The following ZSCAN18 variants were observed in gnomAD, a reference collection of about 807,000 sequenced individuals.
ZSCAN18 encodes the protein zinc finger and SCAN domain containing 18, also known as zinc finger and SCAN domain-containing protein 18.
In ZSCAN18, 16 loss-of-function variants were observed where a neutral mutation model predicts 31.1. The ratio of observed to expected loss-of-function variants is 0.51; its 90% CI spans 0.35 to 0.78. The LOEUF is 0.78. ZSCAN18 is among the 30% of genes least tolerant of loss of function. ZSCAN18 has a pLI of 0.01. For missense variants in ZSCAN18, 731 were observed against 697.4 expected (o/e 1.05, Z -0.54); for synonymous variants, 375 against 320.7 (o/e 1.17, Z -1.81).
At chr19:58,096,076 A>C (rs1208997785) in intron 1 of ZSCAN18, among the ~76,000 whole-genome samples, 1 of 152,004 alleles carries the variant, frequency 6.6e-6, no homozygotes, top group African/African-American at 2.4e-5. Context: ...ACTCTCAGAG[A>C]TCTCACCGGG....
chr19:58,107,636 A>G (rs2074645315), intron 1 of ZSCAN18: 2 of 984,890 alleles, frequency 2.0e-6, no homozygotes, highest in South Asian at 4.7e-5. Flanking sequence ...TCTTCCATTT[A>G]TAGATGGAAA....
exon 1 of ZSCAN18, chr19:58,118,393 G>C: frequency 6.6e-7 from 1 of 1,522,310 alleles, no homozygotes; most frequent in Non-Finnish European, 8.8e-7. Context: ...CCGACTCTCC[G>C]CATGGGCGCG....
intron 1 of ZSCAN18, among the ~76,000 whole-genome samples, chr19:58,115,992 T>C (rs1293716276): frequency 6.6e-6 from 1 of 151,810 alleles, no homozygotes; most frequent in East Asian, 1.9e-4. Context: ...AAAAAAACTG[T>C]GGCATTTTCA....
chr19:58,084,964 GC>G lies in ZSCAN18; in HGVS notation c.1253del (p.Cys418SerfsTer11). 1 of 1,598,174 alleles carries G rather than the reference GC, an allele frequency of 6.3e-7. No individual in the cohort carries two copies. Among genetic ancestry groups the G allele is most frequent in the Non-Finnish European group, 8.5e-7 (1 of 1,174,438 alleles). ...SRGKPYACGE[C>X]GEAFAWLSHL... ...GCGAGAGCCACGCGAAGGCCTCCCC[GC>G]ACTCGCCGCAGGCATAGGGCTTCCC... On this transcript the variant is annotated frameshift_variant, in exon 7 of 7. Transcript: ENST00000601144. LOFTEE classifies it low-confidence loss of function (END_TRUNC). This position sits in a 1 kb window ranked among gnomAD's most constrained non-coding sequence, Gnocchi z 4.5.
chr19:58,088,579 T>C (rs1233223280), intron 3 of ZSCAN18, 109 bp downstream of exon 3: 1 of 1,118,260 alleles, frequency 8.9e-7, no homozygotes, highest in Non-Finnish European at 1.3e-6. Context: ...GCATGGACCA[T>C]GGAGCCCCTG....
In ZSCAN18 at chr19:58,084,544, A is replaced by C. The variant is rs959556167; in HGVS notation, c.*141T>G. 2.4e-6 allele frequency: 2 copies of C among 819,730 alleles called. No individual in the cohort carries two copies. The highest frequency in any genetic ancestry group is 7.2e-5 in the Admixed American group (2 of 27,788). The allele number at this position is 819,730 out of a possible 1,614,324, so 50.8% of individuals were successfully genotyped here. A position where few individuals can be genotyped will look rare whatever the true frequency, so the allele number is the denominator to read the frequency against. On this transcript the variant is annotated 3_prime_UTR_variant, in exon 7 of 7. Transcript: ENST00000601144. This position sits in a 1 kb window ranked among gnomAD's most constrained non-coding sequence, Gnocchi z 4.5. ...CTTCTCGTTGGGAGCGCTTAGCCTC[A>C]GGAGCGGATTCAGGGCACAGGCAGA...
chr19:58,107,986 G>A, intron 1 of ZSCAN18: 1 of 1,044,042 alleles, frequency 9.6e-7, no homozygotes, highest in Non-Finnish European at 1.2e-6. Context: ...TTCCTGAAAA[G>A]TTTGACACTG....
intron 1 of ZSCAN18, among the ~76,000 whole-genome samples, chr19:58,105,568 G>C (rs2074628423): frequency 1.3e-5 from 2 of 152,056 alleles, no homozygotes; most frequent in African/African-American, 2.4e-5. Flanking sequence ...GGCTGAGGCA[G>C]GAGAATGGCA....
At chr19:58,115,747 T>C (rs546673457) in intron 1 of ZSCAN18, among the ~76,000 whole-genome samples, 2 of 152,328 alleles carry the variant, frequency 1.3e-5, no homozygotes, top group East Asian at 1.9e-4. Flanking sequence ...TCAAAAGTAG[T>C]ATCAGAGGAT....
intron 1 of ZSCAN18, chr19:58,108,200 C>A (rs1215331934): frequency 1.0e-6 from 1 of 985,750 alleles, no homozygotes; most frequent in Non-Finnish European, 1.2e-6. Context: ...TGTGAATTCT[C>A]CCATGTTTAA....
chr19:58,111,921 T>G (rs1198238622), intron 1 of ZSCAN18, among the ~76,000 whole-genome samples: 2 of 152,260 alleles, frequency 1.3e-5, no homozygotes, highest in African/African-American at 4.8e-5. Context: ...TTAGTTAATG[T>G]AAGACATCAC....
At chr19:58,105,024 T>C (rs1047234677) in intron 1 of ZSCAN18, among the ~76,000 whole-genome samples, 4 of 152,250 alleles carry the variant, frequency 2.6e-5, no homozygotes, top group African/African-American at 9.6e-5. Context: ...TGTTAAGGGC[T>C]AATGCAACTG....
chr19:58,114,096 C>CT (rs1480692431), intron 1 of ZSCAN18, among the ~76,000 whole-genome samples: 1 of 152,002 alleles, frequency 6.6e-6, no homozygotes, highest in East Asian at 1.9e-4. Context: ...AGTGAAACCC[C>CT]ATCTGTATTA....
chr19:58,091,201 G>C (rs1392932326), intron 1 of ZSCAN18, among the ~76,000 whole-genome samples: 2 of 149,112 alleles, frequency 1.3e-5, no homozygotes, highest in Non-Finnish European at 3.0e-5. Flanking sequence ...CCCTGAGGCA[G>C]AGGTTGCAGT....
chr19:58,084,820 C>T lies in ZSCAN18; in HGVS notation c.1398G>A (p.Glu466=). The T allele has an allele frequency of 6.3e-7, 1 of 1,592,962 alleles. No homozygotes were observed. Among genetic ancestry groups the T allele is most frequent in the Non-Finnish European group, 8.5e-7 (1 of 1,173,178 alleles). ...GGGCGCCCCCCAGCGCGTAGCTTTTCTCCTTCTCGTGGGTCTTCTGGTGCT... is the reference window on the plus strand; with the variant it reads ...GGGCGCCCCCCAGCGCGTAGCTTTTTTCCTTCTCGTGGGTCTTCTGGTGCT... ...LAEHQKTHEK[E]KSYALGGARG... is the part of the protein sequence containing the mutation. Residue 466 remains glutamate, a synonymous_variant, in exon 7 of 7, where the codon GAG becomes GAA. Transcript: ENST00000601144. This position sits in a 1 kb window ranked among gnomAD's most constrained non-coding sequence, Gnocchi z 4.5.
At chr19:58,102,224 C>T (rs11879192), upstream of ZSCAN18, among the ~76,000 whole-genome samples, 85,235 of 151,786 alleles carry the variant, frequency 0.56, 25,840 homozygotes, top group Non-Finnish European at 0.68. Flanking sequence ...TTTGGGAGGC[C>T]GAGGTGGGCT....
chr19:58,085,328 G>C lies in ZSCAN18; in HGVS notation c.890C>G (p.Pro297Arg), dbSNP rs773701849. ...AGGCAGCTCAGGCAGCACCCCCGCG[G>C]GGGCGGCCTCCTCGCAGGCGCACCC... ...SAGCACEEAA[P>R]AGVLPELPTE... is the part of the protein sequence containing the mutation. The change falls in exon 7 of 7, where the codon CCC becomes CGC. Residue 297 changes from proline to arginine, a missense_variant. Physicochemically the swap from Pro to Arg is moderately radical, Grantham distance 103 (BLOSUM62 -2). This residue lies in a region of ZSCAN18 where 597 missense variants were observed against 499.5 expected (regional missense o/e 1.20). Coordinates refer to ENST00000601144, the MANE Select transcript of ZSCAN18 (RefSeq NM_001145543.2). The C allele has an allele frequency of 3.8e-6, 6 of 1,595,282 alleles. No homozygotes were observed. The South Asian group carries it at 6.6e-5, about 18-fold the overall frequency.
chr19:58,085,449 C>A, intron 6 of ZSCAN18, 70 bp from the exon 7 acceptor site: 4 of 1,382,200 alleles, frequency 2.9e-6, no homozygotes, highest in Non-Finnish European at 3.8e-6. Context: ...CCAGCCGAGC[C>A]TCAGCTGCCG....
At chr19:58,097,980 C>T (rs2074553128) in intron 1 of ZSCAN18, 194 bp downstream of exon 1, 3 of 985,648 alleles carry the variant, frequency 3.0e-6, no homozygotes, top group Non-Finnish European at 2.4e-6. Flanking sequence ...TCCGGGGGGA[C>T]CCGGCCCCTG....
Sources: gnomAD v4.1 joint callset for allele counts (sites outside exome capture counted in the v4.1 genomes callset) on GRCh38, gnomAD v4.1.1 for gene constraint, gnomAD v4.1.1 regional missense constraint, Gnocchi (gnomAD v3.1) non-coding constraint, MANE v1.5 for transcripts, NCBI Gene and HGNC (gene_info 2026-07-23, HGNC 2026-07-21) for gene names.